Variants in PDZD2 observed in about 807,000 individuals in gnomAD.
PDZD2 encodes the protein PDZ domain-containing protein 2.
In PDZD2, 90 loss-of-function variants were observed where a neutral mutation model predicts 220.7. The ratio of observed to expected loss-of-function variants is 0.41; its 90% CI spans 0.34 to 0.49. The LOEUF (loss-of-function observed/expected upper bound fraction) is 0.49, where lower values mean the gene tolerates loss of function less well. PDZD2 is among the 20% of genes least tolerant of loss of function. The pLI, the probability that PDZD2 is intolerant of heterozygous loss-of-function variation, is 0.28. For missense variants in PDZD2, 3,174 were observed against 3,608.5 expected, an observed-to-expected ratio of 0.88 and a Z score of 3.08; for synonymous variants, 1,375 against 1,450.5, an observed-to-expected ratio of 0.95 and a Z score of 1.18.
intron 6 of PDZD2, among the ~76,000 whole-genome samples, chr5:32,036,845 A>G (rs543539326): frequency 9.2e-5 from 14 of 152,344 alleles, no homozygotes; most frequent in African/African-American, 3.4e-4. Flanking sequence ...AGGTCAAGAG[A>G]CCTGGGCTTG....
At chr5:31,947,540 C>G (rs1746754554) in intron 2 of PDZD2, among the ~76,000 whole-genome samples, 1 of 152,186 alleles carries the variant, frequency 6.6e-6, no homozygotes, top group Non-Finnish European at 1.5e-5. Flanking sequence ...ATATGAAAAT[C>G]AAATGAAACA....
chr5:31,854,494 G>C (rs1363369039), intron 2 of PDZD2, among the ~76,000 whole-genome samples: 1 of 152,196 alleles, frequency 6.6e-6, no homozygotes, highest in African/African-American at 2.4e-5. Flanking sequence ...TGCCCCATAC[G>C]ATGGTTGTGA....
At chr5:31,772,962 A>G (rs1356426999) in intron 1 of PDZD2, among the ~76,000 whole-genome samples, 1 of 152,180 alleles carries the variant, frequency 6.6e-6, no homozygotes, top group Non-Finnish European at 1.5e-5. Context: ...GAGTGTCAGA[A>G]AGCCCCTCCT....
At chr5:31,984,606 G>A (rs1750567622) in intron 3 of PDZD2, among the ~76,000 whole-genome samples, 1 of 152,146 alleles carries the variant, frequency 6.6e-6, no homozygotes, top group Admixed American at 6.5e-5. Context: ...GCTTGTGACT[G>A]TAGTCCCAGC....
At chr5:32,086,901 C>T (rs1490125834) in intron 19 of PDZD2, among the ~76,000 whole-genome samples, 1 of 136,778 alleles carries the variant, frequency 7.3e-6, no homozygotes, top group African/African-American at 2.7e-5. Context: ...GTTGGCCAGG[C>T]TGGTCTCGAA....
chr5:31,854,311 A>G (rs1342123736), intron 2 of PDZD2, among the ~76,000 whole-genome samples: 1 of 151,950 alleles, frequency 6.6e-6, no homozygotes, highest in Non-Finnish European at 1.5e-5. Flanking sequence ...CTCCTGGGGG[A>G]GGGCTTGTTG....
At chr5:31,840,227 TCAAAACAAAA>T (rs58599257) in intron 2 of PDZD2, among the ~76,000 whole-genome samples, 45,771 of 145,428 alleles carry the variant, frequency 0.31, 7,875 homozygotes, top group African/African-American at 0.46. Context: ...AGACCCTGTT[TCAAAACAAAA>T]CAAAACAAAA....
At chr5:31,774,770 T>G (rs1338185832) in intron 1 of PDZD2, among the ~76,000 whole-genome samples, 1 of 151,922 alleles carries the variant, frequency 6.6e-6, no homozygotes, top group Admixed American at 6.6e-5. Flanking sequence ...CCACCCAGAA[T>G]GAAAACAGTT....
chr5:31,656,540 T>C (rs540825653), intron 1 of PDZD2, among the ~76,000 whole-genome samples: 1 of 152,310 alleles, frequency 6.6e-6, no homozygotes. Flanking sequence ...TTTAATGTAT[T>C]GACAGCGTCT....
At chr5:31,891,842 T>TA (rs1237763705) in intron 2 of PDZD2, among the ~76,000 whole-genome samples, 1 of 152,144 alleles carries the variant, frequency 6.6e-6, no homozygotes, top group Non-Finnish European at 1.5e-5. Flanking sequence ...CTGATACTGT[T>TA]ACCAAAGGGT....
chr5:31,683,607 G>T (rs1175430079), intron 1 of PDZD2, among the ~76,000 whole-genome samples: 1 of 152,176 alleles, frequency 6.6e-6, no homozygotes, highest in Non-Finnish European at 1.5e-5. Flanking sequence ...CACATAACGT[G>T]CCTGGGAGAT....
At chr5:31,974,013 C>T (rs1749526031) in intron 2 of PDZD2, among the ~76,000 whole-genome samples, 1 of 152,226 alleles carries the variant, frequency 6.6e-6, no homozygotes, top group Admixed American at 6.5e-5. Context: ...CAGAGTCTCA[C>T]TCCGTCACCC....
intron 2 of PDZD2, among the ~76,000 whole-genome samples, chr5:31,866,233 A>C (rs1289622745): frequency 6.6e-6 from 1 of 150,936 alleles, no homozygotes; most frequent in Admixed American, 6.6e-5. Context: ...TCCTGAACTC[A>C]AGCAGTCGGC....
At chr5:31,918,878 C>T (rs560433191) in intron 2 of PDZD2, among the ~76,000 whole-genome samples, 79 of 152,220 alleles carry the variant, frequency 5.2e-4, no homozygotes, top group African/African-American at 1.8e-3. Flanking sequence ...CATGTGGTTC[C>T]TGGCTTCCTG....
intron 2 of PDZD2, among the ~76,000 whole-genome samples, chr5:31,841,581 G>A (rs912702307): frequency 6.6e-6 from 1 of 152,102 alleles, no homozygotes; most frequent in Non-Finnish European, 1.5e-5. Flanking sequence ...GTTGAGACAG[G>A]AGAATCACTT....
At chr5:31,897,503 GC>G (rs1741674032) in intron 2 of PDZD2, among the ~76,000 whole-genome samples, 1 of 152,150 alleles carries the variant, frequency 6.6e-6, no homozygotes, top group Non-Finnish European at 1.5e-5. Context: ...AGAATCACTG[GC>G]CGAAGTTGCA....
intron 1 of PDZD2, among the ~76,000 whole-genome samples, chr5:31,787,368 C>T (rs941845595): frequency 1.3e-5 from 2 of 152,182 alleles, no homozygotes; most frequent in East Asian, 1.9e-4. Flanking sequence ...CCTGAGTAAA[C>T]AGTCTTAAAC....
intron 6 of PDZD2, among the ~76,000 whole-genome samples, chr5:32,020,638 T>A (rs2112134494): frequency 8.1e-6 from 1 of 122,980 alleles, no homozygotes; most frequent in African/African-American, 3.2e-5. Context: ...AATGACAAAA[T>A]GATCTTTTTT....
chr5:31,770,359 G>A (rs142980547), intron 1 of PDZD2, among the ~76,000 whole-genome samples: 1,925 of 152,266 alleles, frequency 0.013, 17 homozygotes, highest in Non-Finnish European at 0.017. Context: ...AATTGAATAG[G>A]ATTCCCCATA....
Sources: allele counts gnomAD v4.1 joint callset (sites outside exome capture counted in the v4.1 genomes callset), GRCh38; gene constraint gnomAD v4.1.1; transcripts MANE v1.5; gene names NCBI Gene and HGNC (gene_info 2026-07-23, HGNC 2026-07-21).